The following CHCHD10 variants were observed in gnomAD, a reference collection of about 807,000 sequenced individuals.
The protein encoded by CHCHD10 is coiled-coil-helix-coiled-coil-helix domain containing 10.
In CHCHD10, 10 loss-of-function variants were observed where a neutral mutation model predicts 14.8. The observed-to-expected ratio is 0.67, with a 90% CI of 0.42 to 1.14. The LOEUF (loss-of-function observed/expected upper bound fraction) is 1.14. CHCHD10 is among the 50% of genes most tolerant of loss of function. The pLI, the probability that CHCHD10 is intolerant of heterozygous loss-of-function variation, is 0.00. For synonymous variants in CHCHD10, 90 were observed against 85.2 expected (o/e 1.06, Z -0.31); for missense variants, 203 against 196.9 (o/e 1.03, Z -0.19).
Position 23,765,928 on chromosome 22 carries a change from C to T in CHCHD10, c.*79G>A. On this transcript the variant is annotated 3_prime_UTR_variant, in exon 4 of 4. Coordinates refer to ENST00000484558, the MANE Select transcript of CHCHD10 (RefSeq NM_213720.3). ...ACTTCCAATCCCAGCTATCTGGGTA[C>T]AATCTGGTGTTGTGGTCTGGCTGTC... 1.2e-6 allele frequency: 2 copies of T among 1,605,112 alleles called. No individual in the cohort carries two copies. The highest frequency in any genetic ancestry group is 1.7e-6 in the Non-Finnish European group (2 of 1,173,134).
intron 2 of CHCHD10, among the ~76,000 whole-genome samples, chr22:23,766,956 C>CA (rs1209318946): frequency 6.6e-6 from 1 of 152,220 alleles, no homozygotes; most frequent in Admixed American, 6.5e-5. Flanking sequence ...GGGTTCCTAG[C>CA]AGGGGAAAGG....
chr22:23,767,869 A>G lies in CHCHD10; in HGVS notation c.6T>C (p.Pro2=). The G allele has an allele frequency of 6.6e-7, 1 of 1,511,850 alleles. No homozygotes were observed. The highest frequency in any genetic ancestry group is 8.9e-7 in the Non-Finnish European group (1 of 1,128,004). 93.7% of individuals were successfully genotyped at this position (1,511,850 alleles called of 1,614,324 possible). A position where few individuals can be genotyped will look rare whatever the true frequency, so the allele number is the denominator to read the frequency against. The change falls in exon 1 of 4, where the codon CCT becomes CCC. Residue 2 remains proline, a synonymous_variant. Transcript: ENST00000484558. M[P]RGSRSAASRP... is the part of the protein sequence containing the mutation. Reference sequence around the variant, plus strand: ...GGGAGGCCGCGCTGCGGCTTCCCCGAGGCATGGTGGCGGCGGTGGGACCCG... The same window carrying G: ...GGGAGGCCGCGCTGCGGCTTCCCCGGGGCATGGTGGCGGCGGTGGGACCCG...
At chr22:23,766,891 C>G (rs1926872886) in intron 2 of CHCHD10, among the ~76,000 whole-genome samples, 1 of 152,230 alleles carries the variant, frequency 6.6e-6, no homozygotes. Flanking sequence ...CTCAGCTACA[C>G]TAATCCTCAT....
At chr22:23,767,107 C>G (rs1345621501) in intron 2 of CHCHD10, among the ~76,000 whole-genome samples, 1 of 152,182 alleles carries the variant, frequency 6.6e-6, no homozygotes, top group Non-Finnish European at 1.5e-5. Flanking sequence ...AGTCTCTGAG[C>G]CCTCAGGGCC....
chr22:23,767,958 G>T lies in CHCHD10; in HGVS notation c.-84C>A. Reference sequence around the variant, plus strand: ...GACAAATGCCGCAGCGCTTGTCACAGCCGGCGCAAAAAAGGCGGGGCCCCG... The same window carrying T: ...GACAAATGCCGCAGCGCTTGTCACATCCGGCGCAAAAAAGGCGGGGCCCCG... On this transcript the variant is annotated 5_prime_UTR_variant, in exon 1 of 4. The change creates a new upstream start codon in the 5' untranslated region. Transcript: ENST00000484558. 8.1e-7 allele frequency: 1 copy of T among 1,231,492 alleles called. No homozygotes were observed. Among genetic ancestry groups the T allele is most frequent in the Non-Finnish European group, 1.1e-6 (1 of 932,774 alleles). The allele number at this position is 1,231,492 out of a possible 1,614,324, so 76.3% of individuals were successfully genotyped here.
At position 23,767,837 on chromosome 22, in the gene CHCHD10, G is replaced by A. The variant is rs1926990244; in HGVS notation, c.38C>T (p.Ala13Val). The A allele has an allele frequency of 6.5e-7, 1 of 1,528,686 alleles. No individual in the cohort carries two copies. The highest frequency in any genetic ancestry group is 8.8e-7 in the Non-Finnish European group (1 of 1,139,142). The allele number at this position is 1,528,686 out of a possible 1,614,324, so 94.7% of individuals were successfully genotyped here. ...AGGGCCCTTGTCCCCCTCACACCTG[G>A]CTGGCCGGGAGGCCGCGCTGCGGCT... Reference protein sequence around the residue: ...RGSRSAASRPASRPAAPSAHP... With the variant: ...RGSRSAASRPVSRPAAPSAHP... Residue 13 changes from alanine to valine, a missense_variant, in exon 1 of 4, where the codon GCC (alanine) becomes GTC (valine). By Grantham distance (64) the Ala-to-Val change is moderately conservative. Transcript: ENST00000484558.
At chr22:23,767,777 G>A in intron 1 of CHCHD10, 57 bp downstream of exon 1, 2 of 1,423,192 alleles carry the variant, frequency 1.4e-6, no homozygotes, top group South Asian at 1.2e-5. Context: ...GACGCCCTTA[G>A]GGGAGTGCCC....
intron 2 of CHCHD10, among the ~76,000 whole-genome samples, chr22:23,766,997 G>T (rs1302626460): frequency 6.6e-6 from 1 of 152,240 alleles, no homozygotes; most frequent in African/African-American, 2.4e-5. Flanking sequence ...CTTCGCCCTT[G>T]CGCCCAGCGG....
rs1331123830 is a variant in CHCHD10 at position 23,767,802 on chromosome 22, C to T, written c.41+32G>A. 3.3e-6 allele frequency: 5 copies of T among 1,535,982 alleles called. No individual in the cohort carries two copies. In the South Asian group the frequency reaches 3.6e-5, roughly 11 times the overall value. On this transcript the variant is annotated intron_variant, in intron 1 of 3. Transcript: ENST00000484558. ...GGGGAGTGCCCACACTTCCCTAACC[C>T]CCTCCCCACAGGGCCCTTGTCCCCC...
At position 23,766,151 on chromosome 22, in the gene CHCHD10, A is replaced by G. The variant is rs1569149526; in HGVS notation, c.386T>C (p.Leu129Pro). ...ACCATGGTAGTACTTGCACTGCTTC[A>G]GGGCCTCGCTGAAGCCCTCACACAG... is the stretch of plus-strand genomic sequence containing the variant. ...LSLCEGFSEA[L>P]KQCKYYHGLS... Residue 129 changes from leucine (L) to proline (P), a missense_variant, in exon 3 of 4, where the codon CTG (leucine) becomes CCG (proline). By Grantham distance (98) the Leu-to-Pro change is moderately conservative (BLOSUM62 -3). Coordinates refer to ENST00000484558, the MANE Select transcript of CHCHD10 (RefSeq NM_213720.3). 4 of 1,612,350 alleles carry G rather than the reference A, an allele frequency of 2.5e-6. No individual in the cohort carries two copies. The highest frequency in any genetic ancestry group is 3.4e-6 in the Non-Finnish European group (4 of 1,179,180).
At chr22:23,767,196 G>C (rs1194821196) in intron 2 of CHCHD10, among the ~76,000 whole-genome samples, 178 bp downstream of exon 2, 1 of 152,194 alleles carries the variant, frequency 6.6e-6, no homozygotes, top group African/African-American at 2.4e-5. Flanking sequence ...GAGAGGCCGG[G>C]AAGCCTGCCT....
At chr22:23,766,366 A>G in intron 2 of CHCHD10, 91 bp from the exon 3 acceptor site, 1 of 1,209,578 alleles carries the variant, frequency 8.3e-7, no homozygotes, top group East Asian at 2.6e-5. Context: ...CCCTCCCCAC[A>G]TCCCCAGCCT....
At position 23,767,467 on chromosome 22, in the gene CHCHD10, G is replaced by A; in HGVS notation, c.168C>T (p.Ala56=). 2 of 1,593,746 alleles carry A rather than the reference G, an allele frequency of 1.3e-6. No individual in the cohort carries two copies. The highest frequency in any genetic ancestry group is 8.5e-7 in the Non-Finnish European group (1 of 1,171,880). Residue 56 remains alanine, a synonymous_variant, in exon 2 of 4, where the codon GCC becomes GCT. Coordinates refer to ENST00000484558, the MANE Select transcript of CHCHD10 (RefSeq NM_213720.3). Reference sequence around the variant, plus strand: ...TGACGTGTCCCACAGCCGAGCCCACGGCTACCCCTGCGGCCGTGGTCGCCA... The same window carrying A: ...TGACGTGTCCCACAGCCGAGCCCACAGCTACCCCTGCGGCCGTGGTCGCCA... ...AQMATTAAGV[A]VGSAVGHVMG...
At chr22:23,767,113 G>A (rs1046493984) in intron 2 of CHCHD10, among the ~76,000 whole-genome samples, 10 of 152,200 alleles carry the variant, frequency 6.6e-5, no homozygotes, top group African/African-American at 2.4e-4. Flanking sequence ...TGAGCCCTCA[G>A]GGCCTGGGTT....
At chr22:23,766,336 T>C in intron 2 of CHCHD10, 61 bp from the exon 3 acceptor site, 2 of 1,467,962 alleles carry the variant, frequency 1.4e-6, no homozygotes, top group Non-Finnish European at 1.8e-6. Flanking sequence ...GAGGTGCGTT[T>C]CAAACCTGGG....
At chr22:23,766,729 G>A (rs1926858286) in intron 2 of CHCHD10, among the ~76,000 whole-genome samples, 1 of 152,322 alleles carries the variant, frequency 6.6e-6, no homozygotes, top group South Asian at 2.1e-4. Context: ...TGGGATTACA[G>A]GCATGAGCCA....
intron 1 of CHCHD10, 37 bp from the exon 2 acceptor site, chr22:23,767,630 A>G (rs2145927452): frequency 1.0e-6 from 1 of 965,580 alleles, no homozygotes; most frequent in East Asian, 3.2e-5. Context: ...AATCCTGGCC[A>G]GACCCCAGGC....
At chr22:23,766,446 G>A in intron 2 of CHCHD10, 171 bp from the exon 3 acceptor site, 1 of 550,988 alleles carries the variant, frequency 1.8e-6, no homozygotes, top group Non-Finnish European at 3.1e-6. Context: ...GCATGTTTCT[G>A]CTGCCTTTTT....
At chr22:23,767,675 G>C (rs1899426769) in intron 1 of CHCHD10, 82 bp from the exon 2 acceptor site, 2 of 835,814 alleles carry the variant, frequency 2.4e-6, no homozygotes, top group Non-Finnish European at 3.6e-6. Flanking sequence ...GACCCCCGGA[G>C]AGATGGACGA....
Sources: gnomAD v4.1 joint callset for allele counts (sites outside exome capture counted in the v4.1 genomes callset) on GRCh38, gnomAD v4.1.1 for gene constraint, MANE v1.5 for transcripts, NCBI Gene and HGNC (gene_info 2026-07-23, HGNC 2026-07-21) for gene names.